The following OLA1 variants were observed in gnomAD, a reference collection of about 807,000 sequenced individuals.
OLA1 encodes the protein obg-like ATPase 1.
In OLA1, 14 loss-of-function variants were observed where a neutral mutation model predicts 48.4. The ratio of observed to expected loss-of-function variants is 0.29; its 90% CI spans 0.19 to 0.45. The LOEUF is 0.45. OLA1 is among the 20% of genes least tolerant of loss of function. The pLI is 1.00. For missense variants in OLA1, 325 were observed against 467.1 expected (o/e 0.70, Z 2.80); for synonymous variants, 127 against 150.4 (o/e 0.84, Z 1.14).
At chr2:174,182,340 C>A (rs1687564657) in intron 4 of OLA1, among the ~76,000 whole-genome samples, 2 of 152,130 alleles carry the variant, frequency 1.3e-5, no homozygotes, top group South Asian at 2.1e-4. Context: ...GCCTGACCAA[C>A]ATGAAGAACC....
intron 4 of OLA1, among the ~76,000 whole-genome samples, chr2:174,183,063 T>A (rs542303457): frequency 5.3e-5 from 8 of 151,958 alleles, no homozygotes; most frequent in South Asian, 4.1e-4. Context: ...CATTTTTTTT[T>A]AAAAGTCCAG....
At chr2:174,121,407 A>T (rs1685911938) in intron 7 of OLA1, among the ~76,000 whole-genome samples, 1 of 152,150 alleles carries the variant, frequency 6.6e-6, no homozygotes, top group Admixed American at 6.5e-5. Flanking sequence ...CAGAAACTGT[A>T]CAGAAAATGG....
At chr2:174,185,390 T>TTATGGTTGACAAC (rs1387789305) in intron 4 of OLA1, among the ~76,000 whole-genome samples, 1 of 152,154 alleles carries the variant, frequency 6.6e-6, no homozygotes, top group Non-Finnish European at 1.5e-5. Flanking sequence ...AGAGCATGGA[T>TTATGGTTGACAAC]TATGGTTGAC....
chr2:174,247,800 C>A (rs1057333150), intron 1 of OLA1: 7 of 1,549,322 alleles, frequency 4.5e-6, no homozygotes, highest in East Asian at 4.9e-5. Context: ...ATCGACGGAA[C>A]CTTTTTATTT....
At chr2:174,136,654 T>C (rs1206932329) in intron 5 of OLA1, among the ~76,000 whole-genome samples, 1 of 151,876 alleles carries the variant, frequency 6.6e-6, no homozygotes, top group African/African-American at 2.4e-5. Flanking sequence ...TTTTGACCTC[T>C]CATGAATCAT....
intron 4 of OLA1, among the ~76,000 whole-genome samples, chr2:174,190,758 A>G (rs13032533): frequency 6.6e-6 from 1 of 151,874 alleles, no homozygotes; most frequent in Admixed American, 6.6e-5. Context: ...ACAAAAATAT[A>G]CCTTAGCTCT....
chr2:174,102,012 G>A (rs533083848), intron 7 of OLA1, among the ~76,000 whole-genome samples: 40 of 152,216 alleles, frequency 2.6e-4, no homozygotes, highest in Middle Eastern at 3.4e-3. Flanking sequence ...CATTTAGTAC[G>A]ATAAGAGAAT....
chr2:174,082,139 CA>C, intron 7 of OLA1, 75 bp from the exon 8 acceptor site: 1 of 1,485,552 alleles, frequency 6.7e-7, no homozygotes, highest in Non-Finnish European at 9.3e-7. Flanking sequence ...TATCAAGTAG[CA>C]CATACATATT....
intron 4 of OLA1, among the ~76,000 whole-genome samples, chr2:174,163,080 T>G (rs1407934479): frequency 6.6e-6 from 1 of 152,044 alleles, no homozygotes; most frequent in African/African-American, 2.4e-5. Flanking sequence ...AGGAAGAAAC[T>G]GGAAGAAGAC....
At chr2:174,080,460 T>C (rs1684832122) in intron 9 of OLA1, among the ~76,000 whole-genome samples, 1 of 152,134 alleles carries the variant, frequency 6.6e-6, no homozygotes, top group African/African-American at 2.4e-5. Context: ...TATGTTACAA[T>C]ATATTTAAAT....
chr2:174,197,396 C>T (rs549994457), intron 4 of OLA1, among the ~76,000 whole-genome samples: 1 of 151,488 alleles, frequency 6.6e-6, no homozygotes, highest in Non-Finnish European at 1.5e-5. Context: ...TAATAAAGCG[C>T]TAGAAGGTAT....
chr2:174,213,038 G>T (rs1688278772), intron 4 of OLA1, among the ~76,000 whole-genome samples: 1 of 152,086 alleles, frequency 6.6e-6, no homozygotes, highest in Admixed American at 6.5e-5. Context: ...TACAACAATT[G>T]GTGACCAGAA....
chr2:174,212,352 T>C (rs1688263493), intron 4 of OLA1, among the ~76,000 whole-genome samples: 1 of 152,194 alleles, frequency 6.6e-6, no homozygotes, highest in Non-Finnish European at 1.5e-5. Context: ...ATCATACATC[T>C]GTATAGGGCA....
chr2:174,242,223 C>T (rs571769249), intron 2 of OLA1, among the ~76,000 whole-genome samples: 4 of 152,256 alleles, frequency 2.6e-5, no homozygotes, highest in Admixed American at 2.6e-4. Context: ...TTTCCACGGA[C>T]CAAGGGTGTG....
intron 4 of OLA1, among the ~76,000 whole-genome samples, chr2:174,219,423 C>CTTTTTTTTTTTTTTTTTT (rs372577919): frequency 1.1e-5 from 1 of 94,896 alleles, no homozygotes; most frequent in African/African-American, 4.4e-5. Context: ...TTTTATTTCC[C>CTTTTTTTTTTTTTTTTTT]TTTTTTTTTT....
chr2:174,176,016 T>C (rs1215575249), intron 4 of OLA1, among the ~76,000 whole-genome samples: 1 of 152,090 alleles, frequency 6.6e-6, no homozygotes, highest in Non-Finnish European at 1.5e-5. Context: ...AGTGAGTACT[T>C]AAGCATAAGG....
intron 7 of OLA1, among the ~76,000 whole-genome samples, chr2:174,099,282 A>C (rs972601683): frequency 6.6e-5 from 10 of 151,802 alleles, no homozygotes; most frequent in Non-Finnish European, 5.9e-5. Context: ...CAGCCTCCCG[A>C]GTAGCTGGGA....
intron 4 of OLA1, among the ~76,000 whole-genome samples, chr2:174,217,259 T>C (rs1205792539): frequency 6.6e-6 from 1 of 152,146 alleles, no homozygotes; most frequent in East Asian, 1.9e-4. Flanking sequence ...AGATGAGATC[T>C]CACTATGTTG....
intron 2 of OLA1, among the ~76,000 whole-genome samples, chr2:174,231,563 A>G (rs1267782291): frequency 6.6e-6 from 1 of 152,160 alleles, no homozygotes; most frequent in Non-Finnish European, 1.5e-5. Context: ...ATGTTTTGTG[A>G]TTTTTTAAAA....
Sources: allele counts gnomAD v4.1 joint callset (sites outside exome capture counted in the v4.1 genomes callset), GRCh38; gene constraint gnomAD v4.1.1; transcripts MANE v1.5; gene names NCBI Gene and HGNC (gene_info 2026-07-23, HGNC 2026-07-21).